NAV2: variants seen among roughly 807,000 people sequenced by gnomAD.
The protein encoded by NAV2 is neuron navigator 2.
In NAV2, 54 loss-of-function variants were observed where a neutral mutation model predicts 223.2. The observed-to-expected ratio is 0.24, with a 90% CI of 0.19 to 0.30. The LOEUF (loss-of-function observed/expected upper bound fraction) is 0.30. Ranked by LOEUF, NAV2 falls within the 10% of genes least tolerant of loss-of-function variation. The pLI, the probability that NAV2 is intolerant of heterozygous loss-of-function variation, is 1.00. For synonymous variants in NAV2, 1,279 were observed against 1,239.3 expected, an observed-to-expected ratio of 1.03 and a Z score of -0.67; for missense variants, 2,806 against 3,147.5, an observed-to-expected ratio of 0.89 and a Z score of 2.60.
intron 1 of NAV2, among the ~76,000 whole-genome samples, chr11:19,443,874 G>C (rs1851489577): frequency 6.6e-6 from 1 of 152,212 alleles, no homozygotes; most frequent in African/African-American, 2.4e-5. Flanking sequence ...ACAGAGCCTA[G>C]TATAGATGCG....
chr11:19,593,795 G>A (rs1391471877), intron 1 of NAV2, among the ~76,000 whole-genome samples: 2 of 152,068 alleles, frequency 1.3e-5, no homozygotes, highest in Admixed American at 6.5e-5. Context: ...AATAGCTGGT[G>A]ATGTTGAACA....
At chr11:19,852,153 A>T (rs903916988) in intron 3 of NAV2, among the ~76,000 whole-genome samples, 4 of 152,244 alleles carry the variant, frequency 2.6e-5, no homozygotes, top group African/African-American at 9.6e-5. Context: ...AGAACTGTAG[A>T]TAATACATCT....
intron 1 of NAV2, among the ~76,000 whole-genome samples, chr11:19,388,796 T>C (rs898375543): frequency 6.6e-6 from 1 of 152,224 alleles, no homozygotes; most frequent in African/African-American, 2.4e-5. Context: ...CTATGCACCA[T>C]GGACTTTGGA....
intron 1 of NAV2, among the ~76,000 whole-genome samples, chr11:19,384,379 G>A (rs1378835184): frequency 1.3e-5 from 2 of 152,242 alleles, no homozygotes; most frequent in South Asian, 4.1e-4. Context: ...TGCATTAGCT[G>A]TGACCTTGAA....
Position 19,612,321 on chromosome 11 carries a change from G to A in NAV2, c.76-220163G>A, listed in dbSNP as rs59983007. On this transcript the variant is annotated intron_variant, in intron 1 of 37. Transcript: ENST00000360655. ...GGAGACATTTTCCCCATGGTCTTGGGGATTAACATTAGTCTCCTTGCTGCT... is the reference window on the plus strand; with the variant it reads ...GGAGACATTTTCCCCATGGTCTTGGAGATTAACATTAGTCTCCTTGCTGCT... Among the ~76,000 whole-genome samples, 918 of 152,292 alleles carry A rather than the reference G, an allele frequency of 6.0e-3. 4 individuals are homozygous for A. The highest frequency in any genetic ancestry group is 0.02 in the African/African-American group (823 of 41,562).
chr11:19,847,200 T>G (rs2060857218), intron 3 of NAV2, among the ~76,000 whole-genome samples: 1 of 152,344 alleles, frequency 6.6e-6, no homozygotes, highest in South Asian at 2.1e-4. Flanking sequence ...TTGAACTCAC[T>G]GTACTCAGGA....
At chr11:19,813,763 G>A (rs986143829) in intron 1 of NAV2, among the ~76,000 whole-genome samples, 5 of 152,276 alleles carry the variant, frequency 3.3e-5, no homozygotes, top group African/African-American at 9.6e-5. Flanking sequence ...TGAGGACTGC[G>A]CTGCTGCTGT....
intron 10 of NAV2, among the ~76,000 whole-genome samples, chr11:19,967,322 G>T (rs1289900406): frequency 6.6e-6 from 1 of 152,078 alleles, no homozygotes; most frequent in Non-Finnish European, 1.5e-5. Flanking sequence ...GGAAGCAACA[G>T]AGTTTCTGCT....
Position 19,880,114 on chromosome 11 carries a change from G to A in NAV2, c.757G>A (p.Glu253Lys). Residue 253 changes from glutamate to lysine, a missense_variant, in exon 5 of 38, where the codon GAA becomes AAA. Glu to Lys is a moderately conservative substitution (Grantham distance 56). Coordinates refer to ENST00000349880, the MANE Select transcript of NAV2 (RefSeq NM_145117.5). ...APHQQSKAQA[E>K]MQSRLPGPTA... The stretch of plus-strand genomic sequence containing the variant: ...ACATCAGCAGTCAAAAGCACAAGCT[G>A]AAATGCAGTCCAGGTGGGGGCTCCT... 1 of 1,595,326 alleles carries A rather than the reference G, an allele frequency of 6.3e-7. No individual in the cohort carries two copies.
upstream of NAV2, among the ~76,000 whole-genome samples, chr11:19,348,905 A>G (rs1314048061): frequency 6.6e-6 from 1 of 152,178 alleles, no homozygotes; most frequent in Non-Finnish European, 1.5e-5. Flanking sequence ...AGAAAAGGGT[A>G]ATACGTATAG....
chr11:19,439,340 A>G (rs781454519), intron 1 of NAV2, among the ~76,000 whole-genome samples: 22 of 152,178 alleles, frequency 1.4e-4, no homozygotes, highest in Non-Finnish European at 2.9e-4. Context: ...ATCAGAAAAA[A>G]ATAACTAATA....
At chr11:19,982,462 T>A (rs190789467) in intron 10 of NAV2, among the ~76,000 whole-genome samples, 109 of 152,244 alleles carry the variant, frequency 7.2e-4, no homozygotes, top group Middle Eastern at 6.8e-3. Context: ...AAGCATACAA[T>A]TTGATGGTTT....
At chr11:20,102,755 T>A (rs556520711) in intron 32 of NAV2, among the ~76,000 whole-genome samples, 1 of 152,152 alleles carries the variant, frequency 6.6e-6, no homozygotes, top group African/African-American at 2.4e-5. Context: ...CTAGTCCCTG[T>A]TGAGCCAATG....
At chr11:19,864,771 G>A (rs187190941) in intron 3 of NAV2, among the ~76,000 whole-genome samples, 8 of 152,304 alleles carry the variant, frequency 5.3e-5, no homozygotes, top group Admixed American at 5.2e-4. Context: ...CACTGCACAA[G>A]GTGGAGGCCA....
chr11:19,960,477 T>C (rs1010366012), intron 10 of NAV2, among the ~76,000 whole-genome samples: 1 of 152,108 alleles, frequency 6.6e-6, no homozygotes, highest in Non-Finnish European at 1.5e-5. Context: ...GGCCTACCAT[T>C]TTATTGTCAC....
Position 19,439,863 on chromosome 11 carries a change from G to C in NAV2, c.75+88836G>C, listed in dbSNP as rs533306688. 4.6e-5 allele frequency among the ~76,000 whole-genome samples: 7 copies of C among 152,244 alleles called. No homozygotes were observed. In the South Asian group the frequency reaches 1.2e-3, roughly 27 times the overall value. The stretch of plus-strand genomic sequence containing the variant: ...CGTGATTTAATCTTCCATTCATTCT[G>C]AACATCAGTCCTCATTACCCAGGGC... On this transcript the variant is annotated intron_variant, in intron 1 of 37. Transcript: ENST00000360655.
At chr11:19,702,177 T>C (rs545724843) in intron 1 of NAV2, among the ~76,000 whole-genome samples, 3 of 152,340 alleles carry the variant, frequency 2.0e-5, no homozygotes, top group African/African-American at 7.2e-5. Context: ...TTGGCACTTC[T>C]GTAGACAATG....
chr11:20,106,208 T>TATATATAC (rs1592180127), intron 35 of NAV2, among the ~76,000 whole-genome samples: 1 of 95,076 alleles, frequency 1.1e-5, no homozygotes, highest in East Asian at 2.7e-4. Flanking sequence ...TATATATATA[T>TATATATAC]ATATATATAT....
intron 1 of NAV2, among the ~76,000 whole-genome samples, chr11:19,769,357 A>C (rs2055515651): frequency 6.6e-6 from 1 of 152,244 alleles, no homozygotes; most frequent in African/African-American, 2.4e-5. Flanking sequence ...GCAGAAGCCA[A>C]AAGCAAGTCA....
Sources: gnomAD v4.1 joint callset for allele counts (sites outside exome capture counted in the v4.1 genomes callset) on GRCh38, gnomAD v4.1.1 for gene constraint, MANE v1.5 for transcripts, NCBI Gene and HGNC (gene_info 2026-07-23, HGNC 2026-07-21) for gene names.